The following ADAMTS20 variants were observed in gnomAD, a reference collection of about 807,000 sequenced individuals.
ADAMTS20 encodes ADAM metallopeptidase with thrombospondin type 1 motif 20, also known as A disintegrin and metalloproteinase with thrombospondin motifs 20.
In ADAMTS20, 225 loss-of-function variants were observed where a neutral mutation model predicts 260.1. The observed-to-expected ratio is 0.87, with a 90% CI of 0.78 to 0.97. The LOEUF (loss-of-function observed/expected upper bound fraction) is 0.97, where lower values mean the gene tolerates loss of function less well. Ranked by LOEUF, ADAMTS20 falls within the 50% of genes least tolerant of loss-of-function variation. ADAMTS20 has a pLI of 0.00. For synonymous variants in ADAMTS20, 802 were observed against 769.5 expected, an observed-to-expected ratio of 1.04 and a Z score of -0.70; for missense variants, 2,400 against 2,337.7, an observed-to-expected ratio of 1.03 and a Z score of -0.55.
intron 28 of ADAMTS20, among the ~76,000 whole-genome samples, chr12:43,424,731 A>C (rs932866665): frequency 4.6e-5 from 7 of 152,048 alleles, no homozygotes; most frequent in African/African-American, 1.4e-4. Flanking sequence ...ATAATATAAT[A>C]GTCCTGATTA....
At chr12:43,447,647 C>T (rs1466704598) in intron 14 of ADAMTS20, among the ~76,000 whole-genome samples, 1 of 151,754 alleles carries the variant, frequency 6.6e-6, no homozygotes, top group Non-Finnish European at 1.5e-5. Flanking sequence ...CCAGAACAAT[C>T]AGGAAAAAGA....
chr12:43,490,731 T>C (rs766557928), intron 6 of ADAMTS20, among the ~76,000 whole-genome samples: 13 of 152,174 alleles, frequency 8.5e-5, no homozygotes, highest in African/African-American at 2.9e-4. Flanking sequence ...ATATGTAATA[T>C]AGTTTACCCT....
intron 29 of ADAMTS20, among the ~76,000 whole-genome samples, chr12:43,393,034 A>G (rs1451617106): frequency 6.6e-6 from 1 of 152,032 alleles, no homozygotes; most frequent in African/African-American, 2.4e-5. Flanking sequence ...CAAGATTTTT[A>G]TGTGTTTTCT....
rs750299443 is a variant in ADAMTS20, at chr12:43,551,099, A to G, written c.263T>C (p.Leu88Pro). 1.9e-6 allele frequency: 3 copies of G among 1,613,882 alleles called. No homozygotes were observed. The highest frequency in any genetic ancestry group is 2.7e-5 in the African/African-American group (2 of 75,020). The change falls in exon 2 of 39, where the codon CTC becomes CCC. Residue 88 changes from leucine (L) to proline (P), a missense_variant. Physicochemically the swap from Leu to Pro is moderately conservative, Grantham distance 98. Coordinates refer to ENST00000389420, the MANE Select transcript of ADAMTS20 (RefSeq NM_025003.5). This position sits in a 1 kb window ranked among gnomAD's most constrained non-coding sequence, Gnocchi z 4.6. ...THYRFTAYGQ[L>P]FQLNLTADAS... ...ATCGGCGGTCAGGTTCAGCTGGAAG[A>G]GCTGCCCGTAGGCAGTGAAGCGATA...
chr12:43,448,434 C>T (rs893379511), intron 14 of ADAMTS20, among the ~76,000 whole-genome samples: 2 of 152,104 alleles, frequency 1.3e-5, no homozygotes, highest in Admixed American at 6.5e-5. Flanking sequence ...AAATGGCTAA[C>T]CATATGCAGA....
chr12:43,414,129 GAGAAAT>G (rs746471526), intron 28 of ADAMTS20, among the ~76,000 whole-genome samples: 19 of 152,074 alleles, frequency 1.2e-4, no homozygotes, highest in Non-Finnish European at 2.4e-4. Flanking sequence ...TTTTTAAAAG[GAGAAAT>G]AGTGCAGGGA....
chr12:43,464,486 C>T (rs1942118222), intron 10 of ADAMTS20, 105 bp downstream of exon 10: 2 of 1,364,184 alleles, frequency 1.5e-6, no homozygotes, highest in Non-Finnish European at 2.0e-6. Flanking sequence ...AATTATCAGA[C>T]TTAAAAGCTA....
Position 43,377,515 on chromosome 12 carries a change from G to A in ADAMTS20, c.4845C>T (p.Cys1615=). 2.5e-6 allele frequency: 4 copies of A among 1,613,428 alleles called. No homozygotes were observed. Among genetic ancestry groups the A allele is most frequent in the Non-Finnish European group, 2.5e-6 (3 of 1,179,596 alleles). Residue 1615 remains cysteine, a synonymous_variant, in exon 32 of 39, where the codon TGC becomes TGT. Coordinates refer to ENST00000389420, the MANE Select transcript of ADAMTS20 (RefSeq NM_025003.5). ...GTTTCTTAGTAGATGGGATCTCGGT[G>A]CAATATGTAATCCTTTGTCTGTAAC... is the stretch of plus-strand genomic sequence containing the variant. ...GFSYRQRITY[C]TEIPSTKKHK...
At chr12:43,426,218 G>T (rs1338118489) in intron 27 of ADAMTS20, among the ~76,000 whole-genome samples, 1 of 152,066 alleles carries the variant, frequency 6.6e-6, no homozygotes, top group Non-Finnish European at 1.5e-5. Context: ...AACTCATGCA[G>T]AACAAAAGCC....
At chr12:43,516,346 A>C (rs1270732240) in intron 3 of ADAMTS20, among the ~76,000 whole-genome samples, 1 of 152,248 alleles carries the variant, frequency 6.6e-6, no homozygotes, top group African/African-American at 2.4e-5. Flanking sequence ...ATTCTGAATC[A>C]GATTCTAATT....
At chr12:43,493,314 G>C in intron 4 of ADAMTS20, 61 bp from the exon 5 acceptor site, 2 of 1,195,508 alleles carry the variant, frequency 1.7e-6, no homozygotes, top group Admixed American at 2.2e-5. Context: ...TCAAAAGTAA[G>C]TTGAAATAGT....
At chr12:43,544,004 G>A (rs906590167) in intron 2 of ADAMTS20, among the ~76,000 whole-genome samples, 1 of 151,968 alleles carries the variant, frequency 6.6e-6, no homozygotes, top group African/African-American at 2.4e-5. Context: ...CCTAATAGTG[G>A]CTGTTAGGTA....
intron 29 of ADAMTS20, among the ~76,000 whole-genome samples, chr12:43,392,820 G>T (rs1592045027): frequency 6.6e-6 from 1 of 151,652 alleles, no homozygotes; most frequent in Admixed American, 6.6e-5. Flanking sequence ...TCCTTCTCAG[G>T]GTCTTTTACT....
intron 2 of ADAMTS20, among the ~76,000 whole-genome samples, chr12:43,542,304 A>G (rs1231845996): frequency 6.6e-6 from 1 of 152,222 alleles, no homozygotes; most frequent in Admixed American, 6.5e-5. Context: ...TCTATAATGG[A>G]AACATACTCA....
intron 29 of ADAMTS20, among the ~76,000 whole-genome samples, chr12:43,398,725 A>C (rs1178597825): frequency 6.6e-6 from 1 of 152,142 alleles, no homozygotes; most frequent in Non-Finnish European, 1.5e-5. Flanking sequence ...AAATCAAATG[A>C]CTAGGCTGGG....
At position 43,430,366 on chromosome 12, in the gene ADAMTS20, G is replaced by C. The variant is rs1252054451; in HGVS notation, c.3367C>G (p.Pro1123Ala). Reference sequence around the variant, plus strand: ...ATTCTTTTTACCTGTCTGTCACTGGGGCGACTAGCTTCATGGCATTCTGTG... The same window carrying C: ...ATTCTTTTTACCTGTCTGTCACTGGCGCGACTAGCTTCATGGCATTCTGTG... The part of the protein sequence containing the change: ...EDTECHEASR[P>A]SDRQSCVLTP... The change falls in exon 23 of 39, where the codon CCC (proline) becomes GCC (alanine). Residue 1123 changes from proline (P) to alanine (A), a missense_variant. Coordinates refer to ENST00000389420, the MANE Select transcript of ADAMTS20 (RefSeq NM_025003.5). 2 of 1,610,618 alleles carry C rather than the reference G, an allele frequency of 1.2e-6. No individual in the cohort carries two copies. The highest frequency in any genetic ancestry group is 8.5e-7 in the Non-Finnish European group (1 of 1,178,132).
At chr12:43,407,603 T>C (rs1418715094) in intron 28 of ADAMTS20, among the ~76,000 whole-genome samples, 1 of 152,024 alleles carries the variant, frequency 6.6e-6, no homozygotes, top group Non-Finnish European at 1.5e-5. Context: ...TACAGAAATA[T>C]TCACTTATCT....
At chr12:43,516,029 T>A (rs1381076648) in intron 3 of ADAMTS20, among the ~76,000 whole-genome samples, 1 of 151,950 alleles carries the variant, frequency 6.6e-6, no homozygotes, top group African/African-American at 2.4e-5. Flanking sequence ...GTAGGGAGCA[T>A]CTCCCCCACC....
chr12:43,545,851 A>G (rs570658507), intron 2 of ADAMTS20, among the ~76,000 whole-genome samples: 137 of 152,180 alleles, frequency 9.0e-4, no homozygotes, highest in Non-Finnish European at 1.5e-3. Flanking sequence ...TAGTTTCTCT[A>G]ACACAGACAC....
Sources: gnomAD v4.1 joint callset for allele counts (sites outside exome capture counted in the v4.1 genomes callset) on GRCh38, gnomAD v4.1.1 for gene constraint, Gnocchi (gnomAD v3.1) non-coding constraint, MANE v1.5 for transcripts, NCBI Gene and HGNC (gene_info 2026-07-23, HGNC 2026-07-21) for gene names.